The following AMZ2 variants were observed in gnomAD, a reference collection of about 807,000 sequenced individuals.
AMZ2 encodes archaelysin family metallopeptidase 2, also known as archaemetzincin-2.
AMZ2 carries 26 observed loss-of-function variants against 36.7 expected under a neutral mutation model. That is an observed-to-expected ratio of 0.71 (90% CI 0.52 to 0.98). The LOEUF is 0.98. Among genes scored for constraint, AMZ2 ranks in the 50% least tolerant of loss-of-function variants. The pLI is 0.00. For missense variants in AMZ2, 394 were observed against 430.5 expected (o/e 0.92, Z 0.75); for synonymous variants, 144 against 149.1 (o/e 0.97, Z 0.25).
At chr17:68,228,233 C>T (rs555598150) in intron 1 of AMZ2, among the ~76,000 whole-genome samples, 1 of 152,310 alleles carries the variant, frequency 6.6e-6, no homozygotes, top group African/African-American at 2.4e-5. Context: ...GGTGCTCCTA[C>T]CCTTTCCTGA....
At chr17:68,221,294 G>A (rs1283174295) in intron 1 of AMZ2, among the ~76,000 whole-genome samples, 1 of 146,546 alleles carries the variant, frequency 6.8e-6, no homozygotes, top group Admixed American at 7.1e-5. Flanking sequence ...TAGAGTCAGG[G>A]TCTCACTGTG....
rs782091892 is a variant in AMZ2 at position 68,254,363 on chromosome 17, A to T, written c.587-41A>T. Reference sequence around the variant, plus strand: ...TTCTTTCTTTGGTCTTTCTTCAGGGACCTTACTCTCATTCTGTCACTGTTT... The same window carrying T: ...TTCTTTCTTTGGTCTTTCTTCAGGGTCCTTACTCTCATTCTGTCACTGTTT... On this transcript the variant is annotated intron_variant, in intron 4 of 6. Coordinates refer to ENST00000359904, the MANE Select transcript of AMZ2 (RefSeq NM_016627.5). 4 of 1,578,330 alleles carry T rather than the reference A, an allele frequency of 2.5e-6. No homozygotes were observed. The African/African-American group carries it at 5.5e-5, about 22-fold the overall frequency.
chr17:68,256,838 G>T lies in AMZ2; in HGVS notation c.952G>T (p.Glu318Ter), dbSNP rs782022953. 2 of 1,613,528 alleles carry T rather than the reference G, an allele frequency of 1.2e-6. No homozygotes were observed. The highest frequency in any genetic ancestry group is 1.7e-6 in the Non-Finnish European group (2 of 1,179,830). ...YKALVRWIDD[E>*]SSDTPGATPE... ...GGCACTGGTGAGGTGGATTGATGAT[G>T]AATCTTCTGACACACCTGGAGCAAC... Residue 318 changes from glutamate to a stop codon, truncating the protein, a stop_gained, in exon 7 of 7, where the codon GAA (glutamate) becomes TAA (stop). Transcript: ENST00000359904. LOFTEE classifies it low-confidence loss of function (END_TRUNC).
At chr17:68,224,237 C>G (rs1321746262) in intron 1 of AMZ2, among the ~76,000 whole-genome samples, 2 of 152,198 alleles carry the variant, frequency 1.3e-5, no homozygotes, top group African/African-American at 4.8e-5. Flanking sequence ...GCCACTGTGC[C>G]CGCTAATGGA....
intron 1 of AMZ2, among the ~76,000 whole-genome samples, chr17:68,230,106 CTT>C (rs1464208263): frequency 6.6e-6 from 1 of 152,098 alleles, no homozygotes; most frequent in Non-Finnish European, 1.5e-5. Context: ...GAGTCTCCCT[CTT>C]GTCGTCCAGG....
intron 1 of AMZ2, among the ~76,000 whole-genome samples, chr17:68,214,159 G>A (rs767053193): frequency 6.7e-6 from 1 of 149,690 alleles, no homozygotes; most frequent in South Asian, 2.1e-4. Context: ...CATTAACATC[G>A]TGGTACTCTG....
At chr17:68,209,632 A>ATATATGTATATATATT in intron 1 of AMZ2, among the ~76,000 whole-genome samples, 1 of 90,690 alleles carries the variant, frequency 1.1e-5, no homozygotes, top group East Asian at 4.1e-4. Context: ...ATATATATAT[A>ATATATGTATATATATT]TTTTTTTTTT....
At chr17:68,229,180 C>T (rs1599333572) in intron 1 of AMZ2, among the ~76,000 whole-genome samples, 3 of 152,222 alleles carry the variant, frequency 2.0e-5, no homozygotes, top group East Asian at 1.9e-4. Flanking sequence ...AGGTAGGGGA[C>T]GTCACGGTGC....
intron 1 of AMZ2, among the ~76,000 whole-genome samples, chr17:68,214,037 T>G (rs1242617395): frequency 4.6e-5 from 4 of 86,518 alleles, no homozygotes; most frequent in Admixed American, 3.3e-4. Flanking sequence ...TAATGACAGG[T>G]TTTTTTTTTT....
In AMZ2 at chr17:68,221,209, T is replaced by TCCCCCCCC. The variant is rs55937321; in HGVS notation, c.-67+14973_-67+14980dup. On this transcript the variant is annotated intron_variant, in intron 1 of 7. Coordinates refer to the AMZ2 transcript ENST00000674770. ...TGATCTTCCTGCCTCAGCCCTCAGC[T>TCCCCCCCC]CCCCCCCCCGCCCCCCCGGTAGCTA... 4.1e-3 allele frequency among the ~76,000 whole-genome samples: 277 copies of TCCCCCCCC among 66,754 alleles called. 3 individuals carry two copies. Among genetic ancestry groups the TCCCCCCCC allele is most frequent in the Non-Finnish European group, 4.8e-3 (179 of 37,354 alleles). The allele number at this position is 66,754 out of a possible 152,430, so 43.8% of individuals were successfully genotyped here. A position where few individuals can be genotyped will look rare whatever the true frequency, so the allele number is the denominator to read the frequency against.
At chr17:68,218,565 G>T (rs1172952402) in intron 1 of AMZ2, among the ~76,000 whole-genome samples, 3 of 152,100 alleles carry the variant, frequency 2.0e-5, no homozygotes, top group Non-Finnish European at 4.4e-5. Flanking sequence ...AATCTATACA[G>T]CTTTCTACTC....
intron 1 of AMZ2, 118 bp from the exon 2 acceptor site, chr17:68,250,070 G>A: frequency 1.8e-6 from 2 of 1,105,608 alleles, no homozygotes; most frequent in Non-Finnish European, 2.5e-6. Flanking sequence ...CCACTCTAAA[G>A]CATTAGCAAT....
In AMZ2 at chr17:68,252,033, T is replaced by TGTC. The variant is rs1555740104; in HGVS notation, c.586+856_586+858dup. 2.6e-5 allele frequency among the ~76,000 whole-genome samples: 4 copies of TGTC among 152,144 alleles called. No homozygotes were observed. The East Asian group carries it at 7.7e-4, about 29-fold the overall frequency. ...CATATTTTTAACCTTTTTTTTTTTT[T>TGTC]GTCATCTCTCTACTTCTCCCCTCCC... On this transcript the variant is annotated intron_variant, in intron 4 of 6. Transcript: ENST00000359904.
chr17:68,239,502 C>T (rs188224522), intron 1 of AMZ2, among the ~76,000 whole-genome samples: 1 of 152,190 alleles, frequency 6.6e-6, no homozygotes, highest in Non-Finnish European at 1.5e-5. Context: ...AATGTCTTCT[C>T]GTGTTAAAAC....
At chr17:68,206,216 T>C (rs2072824104) in exon 1 of AMZ2, 6 of 1,303,126 alleles carry the variant, frequency 4.6e-6, no homozygotes, top group Non-Finnish European at 5.9e-6. Flanking sequence ...TCAGGAGCCA[T>C]AGTACCTACA....
chr17:68,247,973 A>T, upstream of AMZ2: 1 of 984,728 alleles, frequency 1.0e-6, no homozygotes. Flanking sequence ...CGGGGCCCAC[A>T]GGGCGTGCGC....
At chr17:68,239,318 G>A (rs1425132223) in intron 1 of AMZ2, among the ~76,000 whole-genome samples, 1 of 152,158 alleles carries the variant, frequency 6.6e-6, no homozygotes, top group African/African-American at 2.4e-5. Flanking sequence ...TGGGCTGCTT[G>A]CCTGCTGAGG....
intron 1 of AMZ2, among the ~76,000 whole-genome samples, chr17:68,214,605 A>G (rs543551531): frequency 6.6e-6 from 1 of 152,236 alleles, no homozygotes; most frequent in South Asian, 2.1e-4. Flanking sequence ...TCCCTATTCT[A>G]GAGACACCCC....
chr17:68,228,890 G>A (rs1460039223), intron 1 of AMZ2, among the ~76,000 whole-genome samples: 7 of 152,216 alleles, frequency 4.6e-5, no homozygotes, highest in African/African-American at 1.4e-4. Flanking sequence ...TTCCGCGTGT[G>A]CTGGCCTGTT....
Sources: allele counts gnomAD v4.1 joint callset (sites outside exome capture counted in the v4.1 genomes callset), GRCh38; gene constraint gnomAD v4.1.1; transcripts MANE v1.5; gene names NCBI Gene and HGNC (gene_info 2026-07-23, HGNC 2026-07-21).